Variants in MOXD1 observed in about 807,000 individuals in gnomAD.
MOXD1 encodes monooxygenase DBH like 1, also known as DBH-like monooxygenase protein 1.
A neutral mutation model predicts 66.6 loss-of-function variants in MOXD1; 62 were observed. The ratio of observed to expected loss-of-function variants is 0.93; its 90% CI spans 0.76 to 1.15. The LOEUF (loss-of-function observed/expected upper bound fraction) is 1.15. Ranked by LOEUF, MOXD1 falls within the 50% of genes most tolerant of loss-of-function variation. The pLI is 0.00. For missense variants in MOXD1, 847 were observed against 754.6 expected, an observed-to-expected ratio of 1.12 and a Z score of -1.44; for synonymous variants, 303 against 281.9, an observed-to-expected ratio of 1.07 and a Z score of -0.75.
At chr6:132,362,283 G>C (rs1292623822) in intron 4 of MOXD1, among the ~76,000 whole-genome samples, 1 of 151,782 alleles carries the variant, frequency 6.6e-6, no homozygotes, top group African/African-American at 2.4e-5. Flanking sequence ...TTCCAACTTT[G>C]TCAATTCCAA....
Position 132,401,419 on chromosome 6 carries a change from C to A in MOXD1, c.8G>T (p.Cys3Phe), listed in dbSNP as rs1366456848. The A allele has an allele frequency of 1.3e-6, 2 of 1,502,002 alleles. No homozygotes were observed. The highest frequency in any genetic ancestry group is 2.1e-5 in the Admixed American group (1 of 47,880). The allele number at this position is 1,502,002 out of a possible 1,614,324, so 93.0% of individuals were successfully genotyped here. MC[C>F]WPLLLLWGLL... is the part of the protein sequence containing the mutation. ...CCCCCACAGCAGGAGCAGCGGCCAGCAGCACATCCTCGGGCGCCTCCTGCC... is the reference window on the plus strand; with the variant it reads ...CCCCCACAGCAGGAGCAGCGGCCAGAAGCACATCCTCGGGCGCCTCCTGCC... Residue 3 changes from cysteine to phenylalanine, a missense_variant, in exon 1 of 12, where the codon TGC becomes TTC. Coordinates refer to ENST00000367963, the MANE Select transcript of MOXD1 (RefSeq NM_015529.4).
chr6:132,396,302 G>T (rs1476367064), intron 1 of MOXD1, among the ~76,000 whole-genome samples: 1 of 151,586 alleles, frequency 6.6e-6, no homozygotes, highest in African/African-American at 2.4e-5. Context: ...AATGGGTCAA[G>T]AAAGAAATTA....
intron 10 of MOXD1, among the ~76,000 whole-genome samples, chr6:132,298,846 C>T (rs1436294598): frequency 6.6e-6 from 1 of 152,086 alleles, no homozygotes; most frequent in Non-Finnish European, 1.5e-5. Context: ...GTTCAGCCAA[C>T]TGTGGAAGCA....
intron 1 of MOXD1, chr6:132,391,197 G>A (rs1444399633): frequency 1.3e-5 from 2 of 150,958 alleles, no homozygotes; most frequent in African/African-American, 2.4e-5. Context: ...GAGGCAGCGA[G>A]TAAATATGCA....
At chr6:132,386,947 A>G (rs1582609750) in intron 1 of MOXD1, among the ~76,000 whole-genome samples, 5 of 151,440 alleles carry the variant, frequency 3.3e-5, no homozygotes, top group African/African-American at 1.2e-4. Context: ...GCAAGACTGT[A>G]CACTACAACG....
intron 1 of MOXD1, among the ~76,000 whole-genome samples, chr6:132,379,450 G>T (rs1776467572): frequency 2.0e-5 from 3 of 152,118 alleles, no homozygotes; most frequent in African/African-American, 7.2e-5. Flanking sequence ...AACAAGTCCG[G>T]GAAACAAAGC....
In MOXD1 at chr6:132,340,699, T is replaced by C. The variant is rs574210854; in HGVS notation, c.664-12105A>G. Among the ~76,000 whole-genome samples the C allele has an allele frequency of 2.2e-3, 306 of 136,640 alleles. 2 individuals are homozygous for C. The highest frequency in any genetic ancestry group is 8.0e-3 in the African/African-American group (287 of 36,086). 89.6% of individuals were successfully genotyped at this position (136,640 alleles called of 152,430 possible). A position where few individuals can be genotyped will look rare whatever the true frequency, so the allele number is the denominator to read the frequency against. On this transcript the variant is annotated intron_variant, in intron 4 of 11. Coordinates refer to ENST00000367963, the MANE Select transcript of MOXD1 (RefSeq NM_015529.4). ...TCTCGCTCTGTCACCCAGGCTGGAGTGCAGTGGCGCGATCTCTGCTCACTG... is the reference window on the plus strand; with the variant it reads ...TCTCGCTCTGTCACCCAGGCTGGAGCGCAGTGGCGCGATCTCTGCTCACTG...
chr6:132,339,457 C>T (rs1033608200), intron 4 of MOXD1, among the ~76,000 whole-genome samples: 1 of 152,170 alleles, frequency 6.6e-6, no homozygotes, highest in Non-Finnish European at 1.5e-5. Context: ...TGATGCATCA[C>T]ACATGAATCT....
intron 4 of MOXD1, among the ~76,000 whole-genome samples, chr6:132,332,077 C>T (rs537213977): frequency 6.6e-6 from 1 of 152,278 alleles, no homozygotes; most frequent in South Asian, 2.1e-4. Context: ...TCCCAGTGCC[C>T]CTTGGCCTCT....
chr6:132,394,813 T>C (rs770568008), intron 1 of MOXD1, among the ~76,000 whole-genome samples: 3 of 152,062 alleles, frequency 2.0e-5, no homozygotes, highest in Non-Finnish European at 4.4e-5. Context: ...CTATATAACA[T>C]CATAAAGTGA....
At chr6:132,353,432 C>T (rs1775843990) in intron 4 of MOXD1, among the ~76,000 whole-genome samples, 1 of 152,142 alleles carries the variant, frequency 6.6e-6, no homozygotes, top group Admixed American at 6.5e-5. Context: ...CTCAGTTTCA[C>T]TGGATACAAA....
At chr6:132,399,370 A>T (rs1004860906) in intron 1 of MOXD1, among the ~76,000 whole-genome samples, 1 of 152,226 alleles carries the variant, frequency 6.6e-6, no homozygotes, top group Non-Finnish European at 1.5e-5. Context: ...ATGTATTGAG[A>T]ATGCAGCCAG....
At chr6:132,331,451 G>T (rs754904625) in intron 4 of MOXD1, among the ~76,000 whole-genome samples, 1 of 152,024 alleles carries the variant, frequency 6.6e-6, no homozygotes, top group Non-Finnish European at 1.5e-5. Context: ...TTGACTTTGG[G>T]GAGCTTCAAA....
At position 132,297,253 on chromosome 6, in the gene MOXD1, C is replaced by T; in HGVS notation, c.1742G>A (p.Cys581Tyr). The T allele has an allele frequency of 6.2e-7, 1 of 1,613,596 alleles. No homozygotes were observed. The highest frequency in any genetic ancestry group is 2.2e-5 in the East Asian group (1 of 44,868). The change falls in exon 12 of 12, where the codon TGT (cysteine) becomes TAT (tyrosine). Residue 581 changes from cysteine to tyrosine, a missense_variant. Coordinates refer to ENST00000367963, the MANE Select transcript of MOXD1 (RefSeq NM_015529.4). ...CAGGGAAGAGGAAGAAGACGTGCCACACACCAAAGGTTCTGCTTTATAGGG... is the reference window on the plus strand; with the variant it reads ...CAGGGAAGAGGAAGAAGACGTGCCATACACCAAAGGTTCTGCTTTATAGGG... ...ERPYKAEPLV[C>Y]GTSSSSSLHR...
chr6:132,393,151 AGT>A (rs60580838), intron 1 of MOXD1, among the ~76,000 whole-genome samples: 4 of 150,622 alleles, frequency 2.7e-5, no homozygotes, highest in East Asian at 1.9e-4. Context: ...GAGTGGAGTG[AGT>A]GTGTGTGTGT....
chr6:132,303,242 G>A (rs1296956652), intron 10 of MOXD1, among the ~76,000 whole-genome samples: 1 of 152,118 alleles, frequency 6.6e-6, no homozygotes, highest in Non-Finnish European at 1.5e-5. Flanking sequence ...GGGAGAAATT[G>A]TCTGTAAACA....
chr6:132,397,636 C>G lies in MOXD1; in HGVS notation c.264+3527G>C, dbSNP rs9402403. ...ACAGAGAGAGAGAGAGAGAGAGAGA[C>G]AGAAAGAAAGAAAGAAAGAAAGAAA... On this transcript the variant is annotated intron_variant, in intron 1 of 11. Transcript: ENST00000367963. 1.1e-3 allele frequency among the ~76,000 whole-genome samples: 135 copies of G among 122,374 alleles called. 2 individuals carry two copies. Among genetic ancestry groups the G allele is most frequent in the Admixed American group, 9.7e-3 (114 of 11,760 alleles). The allele number at this position is 122,374 out of a possible 152,430, so 80.3% of individuals were successfully genotyped here.
At chr6:132,335,801 A>G (rs529494364) in intron 4 of MOXD1, among the ~76,000 whole-genome samples, 1 of 152,362 alleles carries the variant, frequency 6.6e-6, no homozygotes, top group Non-Finnish European at 1.5e-5. Context: ...TACCTAGGTC[A>G]TGATTGTCCC....
rs1562287208 is a variant in MOXD1, at chr6:132,340,638, A to ATCTTTTTT, written c.664-12045_664-12044insAAAAAAGA. On this transcript the variant is annotated intron_variant, in intron 4 of 11. Transcript: ENST00000367963. ...ACAACATGCTAAAACAACAAGACTCATTTTTTTTTTTTTTTTTTTTTTTTT... is the reference window on the plus strand; with the variant it reads ...ACAACATGCTAAAACAACAAGACTCATCTTTTTTTTTTTTTTTTTTTTTTTTTTTTTTT... Among the ~76,000 whole-genome samples, 93 of 98,778 alleles carry ATCTTTTTT rather than the reference A, an allele frequency of 9.4e-4. 15 individuals are homozygous for ATCTTTTTT. The highest frequency in any genetic ancestry group is 4.0e-3 in the African/African-American group (91 of 22,558). 64.8% of individuals were successfully genotyped at this position (98,778 alleles called of 152,430 possible).
Sources: allele counts gnomAD v4.1 joint callset (sites outside exome capture counted in the v4.1 genomes callset), GRCh38; gene constraint gnomAD v4.1.1; transcripts MANE v1.5; gene names NCBI Gene and HGNC (gene_info 2026-07-23, HGNC 2026-07-21).